The following BEST3 variants were observed in gnomAD, a reference collection of about 807,000 sequenced individuals.
BEST3 encodes bestrophin 3.
Under a neutral mutation model 47.1 loss-of-function variants are expected in BEST3, and 50 were observed. That is an observed-to-expected ratio of 1.06 (90% CI 0.85 to 1.34). The LOEUF is 1.34. Among genes scored for constraint, BEST3 ranks in the 40% most tolerant of loss-of-function variants. The pLI is 0.00. For synonymous variants in BEST3, 282 were observed against 298.8 expected, an observed-to-expected ratio of 0.94 and a Z score of 0.58; for missense variants, 765 against 817.0, an observed-to-expected ratio of 0.94 and a Z score of 0.78.
intron 1 of BEST3, 142 bp from the exon 2 acceptor site, chr12:69,697,955 C>T (rs977673725): frequency 1.4e-5 from 9 of 639,754 alleles, no homozygotes; most frequent in South Asian, 1.0e-4. Flanking sequence ...TTCTATAATT[C>T]GGAACTTTCA....
At chr12:69,695,245 T>C (rs1405292939) in intron 2 of BEST3, among the ~76,000 whole-genome samples, 3 of 152,146 alleles carry the variant, frequency 2.0e-5, no homozygotes, top group African/African-American at 7.2e-5. Flanking sequence ...GCCAAACAGA[T>C]GAATTTGAAT....
intron 9 of BEST3, among the ~76,000 whole-genome samples, chr12:69,664,406 C>CT (rs1884058209): frequency 6.6e-6 from 1 of 152,260 alleles, no homozygotes; most frequent in African/African-American, 2.4e-5. Flanking sequence ...AACTGCTTCC[C>CT]TGTAGCTCAG....
In BEST3 at chr12:69,697,698, CT is replaced by C; in HGVS notation, c.100del (p.Arg34GlyfsTer13). Reference protein sequence around the residue: ...WRGSIYKLLYREFIVFAVLYT... With the variant: ...WRGSIYKLLYXEFIVFAVLYT... The stretch of plus-strand genomic sequence containing the variant: ...AAGAACAGCAAAAACAATAAATTCC[CT>C]GTACAGTAGTTTGTAGATGCTGCCT... On this transcript the variant is annotated frameshift_variant, in exon 2 of 10. Transcript: ENST00000330891. LOFTEE classifies it high-confidence loss of function. 1 of 1,611,108 alleles carries C rather than the reference CT, an allele frequency of 6.2e-7. No individual in the cohort carries two copies. Among genetic ancestry groups the C allele is most frequent in the South Asian group, 1.1e-5 (1 of 90,460 alleles).
At chr12:69,678,353 T>G (rs534671394) in intron 5 of BEST3, among the ~76,000 whole-genome samples, 1 of 152,280 alleles carries the variant, frequency 6.6e-6, no homozygotes, top group African/African-American at 2.4e-5. Flanking sequence ...GGGGAAATAT[T>G]AGGCTGGGGA....
intron 4 of BEST3, chr12:69,689,414 G>A (rs552408677): frequency 1.6e-5 from 3 of 189,726 alleles, no homozygotes; most frequent in African/African-American, 2.4e-5. Flanking sequence ...TTGCCCTGCC[G>A]CCTAACACAC....
At chr12:69,658,632 A>G (rs549587331) in intron 9 of BEST3, among the ~76,000 whole-genome samples, 1 of 152,372 alleles carries the variant, frequency 6.6e-6, no homozygotes, top group East Asian at 1.9e-4. Flanking sequence ...GAAGACATAT[A>G]AATAAATATT....
At chr12:69,696,641 A>G (rs1478934669) in intron 2 of BEST3, among the ~76,000 whole-genome samples, 2 of 152,196 alleles carry the variant, frequency 1.3e-5, no homozygotes, top group African/African-American at 4.8e-5. Context: ...TGACATGTGG[A>G]AAAATAGCTG....
intron 3 of BEST3, 135 bp downstream of exon 3, chr12:69,694,235 A>G: frequency 3.2e-6 from 2 of 624,746 alleles, no homozygotes; most frequent in Non-Finnish European, 5.6e-6. Context: ...AACCTTATGG[A>G]TGATTCTGGT....
At chr12:69,652,622 G>A (rs1240521549), downstream of BEST3, among the ~76,000 whole-genome samples, 1 of 152,136 alleles carries the variant, frequency 6.6e-6, no homozygotes, top group East Asian at 1.9e-4. Flanking sequence ...AGTGCATAAG[G>A]GGCGTGTGGA....
Position 69,697,649 on chromosome 12 carries a change from G to A in BEST3, c.150C>T (p.Tyr50=), listed in dbSNP as rs769974804. 3 of 1,583,170 alleles carry A rather than the reference G, an allele frequency of 1.9e-6. No homozygotes were observed. Among genetic ancestry groups the A allele is most frequent in the African/African-American group, 1.4e-5 (1 of 73,178 alleles). ...AVLYTAISLV[Y]RLLLTGVQKR... is the part of the protein sequence containing the mutation. Reference sequence around the variant, plus strand: ...AGGAGACATGTAAAGAAAAGTACCTGTATACCAAACTTATTGCTGTATAAA... The same window carrying A: ...AGGAGACATGTAAAGAAAAGTACCTATATACCAAACTTATTGCTGTATAAA... Residue 50 remains tyrosine, a splice_region_variant and synonymous_variant, in exon 2 of 10, where the codon TAC becomes TAT. Transcript: ENST00000330891.
intron 9 of BEST3, among the ~76,000 whole-genome samples, chr12:69,664,358 G>A (rs1884054175): frequency 1.3e-5 from 2 of 152,116 alleles, no homozygotes; most frequent in Non-Finnish European, 2.9e-5. Context: ...GGCTGCACAG[G>A]CACCATCTCC....
chr12:69,654,612 G>A lies in BEST3; in HGVS notation c.*295C>T, dbSNP rs1883343096. ...CAACTAATAATCTATGAATTTATAA[G>A]TCATGTATGTTTTTCAGATTCCTTT... On this transcript the variant is annotated 3_prime_UTR_variant, in exon 10 of 10. Transcript: ENST00000330891. The A allele has an allele frequency of 1.8e-5, 20 of 1,118,886 alleles. No individual in the cohort carries two copies. The highest frequency in any genetic ancestry group is 2.2e-5 in the Non-Finnish European group (20 of 914,242). 69.3% of individuals were successfully genotyped at this position (1,118,886 alleles called of 1,614,324 possible).
At chr12:69,650,128 G>T (rs1883162709), downstream of BEST3, among the ~76,000 whole-genome samples, 1 of 152,192 alleles carries the variant, frequency 6.6e-6, no homozygotes. Context: ...CAGGGAAATT[G>T]GTGCATTTTC....
chr12:69,666,921 A>G (rs1884260074), intron 9 of BEST3, among the ~76,000 whole-genome samples: 1 of 152,086 alleles, frequency 6.6e-6, no homozygotes, highest in African/African-American at 2.4e-5. Flanking sequence ...ATCCCTTGTG[A>G]TACACCTACT....
At chr12:69,661,829 T>C (rs1883892357) in intron 9 of BEST3, among the ~76,000 whole-genome samples, 1 of 152,204 alleles carries the variant, frequency 6.6e-6, no homozygotes, top group African/African-American at 2.4e-5. Context: ...ACTACCCGTG[T>C]TGGCCTATCT....
chr12:69,692,776 T>C (rs977773022), intron 4 of BEST3, among the ~76,000 whole-genome samples: 2 of 152,210 alleles, frequency 1.3e-5, no homozygotes, highest in Admixed American at 6.5e-5. Context: ...TTTATTTATT[T>C]TTTGGGGACT....
intron 2 of BEST3, 57 bp downstream of exon 2, chr12:69,697,590 G>T: frequency 7.3e-7 from 1 of 1,367,760 alleles, no homozygotes; most frequent in Non-Finnish European, 9.8e-7. Flanking sequence ...AGATTTTTGA[G>T]ACTGTATCTT....
chr12:69,686,125 G>A (rs571235468), intron 4 of BEST3, among the ~76,000 whole-genome samples: 7 of 146,072 alleles, frequency 4.8e-5, no homozygotes, highest in African/African-American at 1.8e-4. Context: ...TCTCACTCTT[G>A]TAACACAAGG....
intron 4 of BEST3, among the ~76,000 whole-genome samples, chr12:69,679,895 G>A (rs1885138881): frequency 7.2e-6 from 1 of 138,376 alleles, no homozygotes; most frequent in African/African-American, 2.7e-5. Flanking sequence ...GTGTGTGTGT[G>A]TGCATGTGTG....
Sources: allele counts gnomAD v4.1 joint callset (sites outside exome capture counted in the v4.1 genomes callset), GRCh38; gene constraint gnomAD v4.1.1; transcripts MANE v1.5; gene names NCBI Gene and HGNC (gene_info 2026-07-23, HGNC 2026-07-21).